The following RHD variants were observed in gnomAD, a reference collection of about 807,000 sequenced individuals.
RHD encodes Rh blood group D antigen, also known as blood group Rh(D) polypeptide.
Under a neutral mutation model 45.5 loss-of-function variants are expected in RHD, and 16 were observed. The observed-to-expected ratio is 0.35, with a 90% CI of 0.24 to 0.53. The LOEUF (loss-of-function observed/expected upper bound fraction) is 0.53, where lower values mean the gene tolerates loss of function less well. RHD is among the 20% of genes least tolerant of loss of function. The pLI is 0.92. For missense variants in RHD, 306 were observed against 532.0 expected (o/e 0.58, Z 4.18); for synonymous variants, 131 against 217.5 (o/e 0.60, Z 3.50).
intron 6 of RHD, 76 bp from the exon 7 acceptor site, chr1:25,306,520 C>A: frequency 7.7e-7 from 1 of 1,293,146 alleles, no homozygotes; most frequent in Admixed American, 1.8e-5. Flanking sequence ...CCCCGGATAC[C>A]AAGGGTGTGT....
chr1:25,308,534 C>G (rs1308431186), intron 7 of RHD, among the ~76,000 whole-genome samples: 1 of 131,938 alleles, frequency 7.6e-6, no homozygotes, highest in Admixed American at 7.4e-5. Flanking sequence ...GAAAATAAAG[C>G]CTTGATTGGT....
chr1:25,301,032 A>G lies in RHD; in HGVS notation c.573A>G (p.Leu191=), dbSNP rs754894329. ...TGGCCTGGTGCCTGCCAAAGCCTCT[A>G]CCCGAGGGAACGGAGGATAAAGATC... The part of the protein sequence containing the change: ...LSVAWCLPKP[L]PEGTEDKDQT... The change falls in exon 4 of 10, where the codon CTA becomes CTG. Residue 191 remains leucine (L), a synonymous_variant. Coordinates refer to ENST00000328664, the MANE Select transcript of RHD (RefSeq NM_016124.6). 1 of 1,377,164 alleles carries G rather than the reference A, an allele frequency of 7.3e-7. No individual in the cohort carries two copies. Among genetic ancestry groups the G allele is most frequent in the Non-Finnish European group, 1.0e-6 (1 of 978,482 alleles). 85.3% of individuals were successfully genotyped at this position (1,377,164 alleles called of 1,614,324 possible).
intron 1 of RHD, among the ~76,000 whole-genome samples, 164 bp downstream of exon 1, chr1:25,272,859 T>C (rs1640613004): frequency 7.6e-6 from 1 of 131,598 alleles, no homozygotes; most frequent in African/African-American, 2.6e-5. Flanking sequence ...GCCAACAATG[T>C]AAGCTTTCCT....
Position 25,308,487 on chromosome 1 carries a change from T to G in RHD, c.1073+1758T>G, listed in dbSNP as rs2518076. Among the ~76,000 whole-genome samples, 375 of 131,626 alleles carry G rather than the reference T, an allele frequency of 2.8e-3. 51 individuals are homozygous for G. Among genetic ancestry groups the G allele is most frequent in the African/African-American group, 9.0e-3 (345 of 38,148 alleles). 86.4% of individuals were successfully genotyped at this position (131,626 alleles called of 152,430 possible). A position where few individuals can be genotyped will look rare whatever the true frequency, so the allele number is the denominator to read the frequency against. On this transcript the variant is annotated intron_variant, in intron 7 of 9. Transcript: ENST00000328664. ...AAAAGAAAAAGCCAATCAGTGGTTT[T>G]CTGGTAAAGGATTAACTTAACAAAC...
Position 25,296,878 on chromosome 1 carries a change from A to T in RHD, c.487-4068A>T, listed in dbSNP as rs1304250009. Among the ~76,000 whole-genome samples, 2 of 129,282 alleles carry T rather than the reference A, an allele frequency of 1.5e-5. 1 individual carries two copies. Among genetic ancestry groups the T allele is most frequent in the African/African-American group, 5.3e-5 (2 of 37,680 alleles). 84.8% of individuals were successfully genotyped at this position (129,282 alleles called of 152,430 possible). On this transcript the variant is annotated intron_variant, in intron 3 of 9. Coordinates refer to ENST00000328664, the MANE Select transcript of RHD (RefSeq NM_016124.6). ...TCAATTCAGCCTCTTTTGTTTATAA[A>T]TTACGCAGTCTCAGGAAGTATCTTT...
Position 25,276,524 on chromosome 1 carries a change from C to CG in RHD, c.148+3829_148+3830insG, listed in dbSNP as rs1553137917. Among the ~76,000 whole-genome samples, 30 of 56,922 alleles carry CG rather than the reference C, an allele frequency of 5.3e-4. 5 individuals carry two copies. The highest frequency in any genetic ancestry group is 2.3e-3 in the Admixed American group (13 of 5,574). 37.3% of individuals were successfully genotyped at this position (56,922 alleles called of 152,430 possible). ...CCTAGGAAACATAGGGAGACCCCCC[C>CG]CCATCTCTAAAAAAAAAAAAAAAAA... On this transcript the variant is annotated intron_variant, in intron 1 of 9. Coordinates refer to ENST00000328664, the MANE Select transcript of RHD (RefSeq NM_016124.6).
rs1336693557 is a variant in RHD, at chr1:25,319,818, G to C, written c.1154-2071G>C. Reference sequence around the variant, plus strand: ...GTAGATTAGAAATAGCAGATTAGAGGTGGGCTAGGTTTCTAGAGGTAAAGT... The same window carrying C: ...GTAGATTAGAAATAGCAGATTAGAGCTGGGCTAGGTTTCTAGAGGTAAAGT... On this transcript the variant is annotated intron_variant, in intron 8 of 9. Transcript: ENST00000328664. Among the ~76,000 whole-genome samples the C allele has an allele frequency of 6.0e-5, 8 of 132,570 alleles. 3 individuals are homozygous for C. Among genetic ancestry groups the C allele is most frequent in the Non-Finnish European group, 9.0e-5 (5 of 55,862 alleles). The allele number at this position is 132,570 out of a possible 152,430, so 87.0% of individuals were successfully genotyped here.
chr1:25,290,560 AAT>A (rs1642403575), intron 2 of RHD, 79 bp from the exon 3 acceptor site: 5 of 1,076,810 alleles, frequency 4.6e-6, no homozygotes, highest in Admixed American at 1.8e-5. Context: ...TGAAAGAATG[AAT>A]GAATGAATGA....
chr1:25,295,517 C>G (rs1248902138), intron 3 of RHD, among the ~76,000 whole-genome samples: 2 of 100,906 alleles, frequency 2.0e-5, no homozygotes, highest in African/African-American at 6.8e-5. Flanking sequence ...TGGTGGTTAT[C>G]AGGTGCGATG....
In RHD at chr1:25,291,797, G is replaced by C. The variant is rs538917984; in HGVS notation, c.486+1006G>C. ...AATTTGAAGGCAGCTGTGAAGGTAA[G>C]GCCAATCCAAATGGCTCTCCCAGAT... On this transcript the variant is annotated intron_variant, in intron 3 of 9. Transcript: ENST00000328664. Among the ~76,000 whole-genome samples, 34 of 132,640 alleles carry C rather than the reference G, an allele frequency of 2.6e-4. 4 individuals are homozygous for C. Among genetic ancestry groups the C allele is most frequent in the African/African-American group, 8.5e-4 (33 of 38,998 alleles). The allele number at this position is 132,640 out of a possible 152,430, so 87.0% of individuals were successfully genotyped here.
In RHD at chr1:25,298,945, G is replaced by C. The variant is rs560598943; in HGVS notation, c.487-2001G>C. Among the ~76,000 whole-genome samples the C allele has an allele frequency of 8.6e-5, 11 of 128,368 alleles. 3 individuals carry two copies. Among genetic ancestry groups the C allele is most frequent in the Admixed American group, 3.0e-4 (4 of 13,132 alleles). The allele number at this position is 128,368 out of a possible 152,430, so 84.2% of individuals were successfully genotyped here. ...CATCTTATCAAGAGGGTGATTTTTTGAGTACAGACCTGAAGGTAACGAGTG... is the reference window on the plus strand; with the variant it reads ...CATCTTATCAAGAGGGTGATTTTTTCAGTACAGACCTGAAGGTAACGAGTG... On this transcript the variant is annotated intron_variant, in intron 3 of 9. Coordinates refer to ENST00000328664, the MANE Select transcript of RHD (RefSeq NM_016124.6).
At position 25,320,697 on chromosome 1, in the gene RHD, T is replaced by A. The variant is rs144621460; in HGVS notation, c.1154-1192T>A. Among the ~76,000 whole-genome samples the A allele has an allele frequency of 1.1e-3, 140 of 132,034 alleles. 7 individuals are homozygous for A. The East Asian group carries it at 0.025, about 23-fold the overall frequency. The allele number at this position is 132,034 out of a possible 152,430, so 86.6% of individuals were successfully genotyped here. On this transcript the variant is annotated intron_variant, in intron 8 of 9. Transcript: ENST00000328664. ...ATGTGTCCTGTGAAATTCATCCAAC[T>A]TCAGGAAGCTGGAGGAATACATATG...
intron 2 of RHD, among the ~76,000 whole-genome samples, chr1:25,286,515 A>G (rs191273434): frequency 0.021 from 2,779 of 134,856 alleles, 422 homozygotes; most frequent in African/African-American, 0.065. Flanking sequence ...GGCCGGGCGC[A>G]GTGGTTCATG....
In RHD at chr1:25,290,580, AAT is replaced by A. The variant is rs1380893871; in HGVS notation, c.336-60_336-59del. 52 of 1,185,916 alleles carry A rather than the reference AAT, an allele frequency of 4.4e-5. 7 individuals carry two copies. In the East Asian group the frequency reaches 5.0e-4, roughly 11 times the overall value. 73.5% of individuals were successfully genotyped at this position (1,185,916 alleles called of 1,614,324 possible). A position where few individuals can be genotyped will look rare whatever the true frequency, so the allele number is the denominator to read the frequency against. On this transcript the variant is annotated intron_variant, in intron 2 of 9. Transcript: ENST00000328664. ...GAATGAATGAATGAATGAATGAATG[AAT>A]GAATGAGTGAGAGGCATCCTTCCTT...
chr1:25,295,869 T>G (rs1207873666), intron 3 of RHD, among the ~76,000 whole-genome samples: 3 of 106,112 alleles, frequency 2.8e-5, no homozygotes, highest in South Asian at 2.8e-4. Flanking sequence ...TTTTTTTTTT[T>G]TTTTTTTTTT....
At chr1:25,290,432 T>A (rs1475595459) in intron 2 of RHD, among the ~76,000 whole-genome samples, 2 of 126,796 alleles carry the variant, frequency 1.6e-5, no homozygotes, top group Non-Finnish European at 3.7e-5. Flanking sequence ...TGGCTCAGGG[T>A]GCAGAGGCCA....
rs186318874 is a variant in RHD at position 25,286,159 on chromosome 1, C to T, written c.335+1400C>T. Among the ~76,000 whole-genome samples the T allele has an allele frequency of 5.9e-3, 799 of 135,036 alleles. 210 individuals carry two copies. The highest frequency in any genetic ancestry group is 0.011 in the Non-Finnish European group (638 of 56,980). 88.6% of individuals were successfully genotyped at this position (135,036 alleles called of 152,430 possible). A position where few individuals can be genotyped will look rare whatever the true frequency, so the allele number is the denominator to read the frequency against. On this transcript the variant is annotated intron_variant, in intron 2 of 9. Coordinates refer to ENST00000328664, the MANE Select transcript of RHD (RefSeq NM_016124.6). ...ACAGTCTAGCCAGCTCCCGATTGGC[C>T]CTGGAGGGAAAAAACTTTATATATT...
At chr1:25,320,233 C>T (rs1189556418) in intron 8 of RHD, among the ~76,000 whole-genome samples, 3 of 131,944 alleles carry the variant, frequency 2.3e-5, no homozygotes, top group Admixed American at 1.5e-4. Context: ...GAACACAAAA[C>T]GCTTGGGCTG....
rs1405914418 is a variant in RHD at position 25,312,961 on chromosome 1, G to T, written c.1074-4039G>T. 1.6e-4 allele frequency among the ~76,000 whole-genome samples: 5 copies of T among 31,774 alleles called. 1 individual carries two copies. The highest frequency in any genetic ancestry group is 4.0e-4 in the Non-Finnish European group (4 of 10,002). The allele number at this position is 31,774 out of a possible 152,430, so 20.8% of individuals were successfully genotyped here. On this transcript the variant is annotated intron_variant, in intron 7 of 9. Coordinates refer to ENST00000328664, the MANE Select transcript of RHD (RefSeq NM_016124.6). The stretch of plus-strand genomic sequence containing the variant: ...AAAAAAAAAAAAAAAAAAAACTTTA[G>T]TGCTATTGGAATGAATTTTGCATGT...
Sources: allele counts gnomAD v4.1 joint callset (sites outside exome capture counted in the v4.1 genomes callset), GRCh38; gene constraint gnomAD v4.1.1; transcripts MANE v1.5; gene names NCBI Gene and HGNC (gene_info 2026-07-23, HGNC 2026-07-21).